The following SETBP1 variants were observed in gnomAD, a reference collection of about 807,000 sequenced individuals.
SETBP1 encodes SET-binding protein.
Under a neutral mutation model 101.0 loss-of-function variants are expected in SETBP1, and 9 were observed. The ratio of observed to expected loss-of-function variants is 0.09; its 90% CI spans 0.05 to 0.16. The LOEUF is 0.16. Ranked by LOEUF, SETBP1 falls within the 10% of genes least tolerant of loss-of-function variation. The probability of loss-of-function intolerance (pLI) is 1.00; values close to 1 mark genes in which losing one functional copy is unlikely to be tolerated. For synonymous variants in SETBP1, 818 were observed against 788.5 expected, an observed-to-expected ratio of 1.04 and a Z score of -0.63; for missense variants, 1,858 against 2,033.8, an observed-to-expected ratio of 0.91 and a Z score of 1.66.
chr18:44,708,309 G>A (rs571297802), intron 2 of SETBP1, among the ~76,000 whole-genome samples: 15 of 152,284 alleles, frequency 9.9e-5, no homozygotes, highest in African/African-American at 3.4e-4. Flanking sequence ...GGAATGTGGT[G>A]TTTCAAACTC....
In SETBP1 at chr18:44,869,277, G is replaced by A; in HGVS notation, c.534G>A (p.Gln178=). The part of the protein sequence containing the change: ...DLAASDLKGF[Q]PQAYERPQKH... ...CAGCCAGTGACCTCAAAGGATTTCA[G>A]CCACAGGTAAGTTCCACTGATGCTT... Residue 178 remains glutamine, a synonymous_variant, in exon 3 of 6, where the codon CAG becomes CAA. Transcript: ENST00000649279. 3 of 1,613,952 alleles carry A rather than the reference G, an allele frequency of 1.9e-6. No individual in the cohort carries two copies. The highest frequency in any genetic ancestry group is 2.5e-6 in the Non-Finnish European group (3 of 1,179,880).
intron 4 of SETBP1, among the ~76,000 whole-genome samples, chr18:45,019,630 A>G (rs898397331): frequency 3.9e-5 from 6 of 152,254 alleles, no homozygotes; most frequent in African/African-American, 7.2e-5. Context: ...CTCTGAGTAC[A>G]TGGATGTTTT....
intron 1 of SETBP1, among the ~76,000 whole-genome samples, chr18:44,694,970 G>A (rs2068991446): frequency 6.6e-6 from 1 of 152,102 alleles, no homozygotes; most frequent in African/African-American, 2.4e-5. Flanking sequence ...AGAATCAGCT[G>A]AAAAGTGGAT....
chr18:44,762,185 C>G (rs957361015), intron 2 of SETBP1, among the ~76,000 whole-genome samples: 10 of 149,968 alleles, frequency 6.7e-5, no homozygotes, highest in African/African-American at 2.0e-4. Context: ...GACTTCTTTT[C>G]CCAGTTCTGG....
chr18:45,061,179 G>A (rs1349519916), intron 5 of SETBP1, among the ~76,000 whole-genome samples: 1 of 152,094 alleles, frequency 6.6e-6, no homozygotes, highest in Non-Finnish European at 1.5e-5. Flanking sequence ...CATGAAGGTG[G>A]GCTAAGTTTT....
chr18:45,061,474 G>T (rs915524776), intron 5 of SETBP1, among the ~76,000 whole-genome samples: 10 of 152,058 alleles, frequency 6.6e-5, no homozygotes, highest in Admixed American at 5.2e-4. Flanking sequence ...GTTCTATTTT[G>T]ATCTTTATAA....
At position 44,861,643 on chromosome 18, in the gene SETBP1, G is replaced by C. The variant is rs561298132; in HGVS notation, c.487-7587G>C. Among the ~76,000 whole-genome samples the C allele has an allele frequency of 2.6e-4, 39 of 152,136 alleles. No individual in the cohort carries two copies. The South Asian group carries it at 3.1e-3, about 12-fold the overall frequency. ...AAAGAACATGAGTTAGCCAAGCCAG[G>C]CTCAAATACATTCTATCACCTACTA... On this transcript the variant is annotated intron_variant, in intron 2 of 5. Coordinates refer to ENST00000649279, the MANE Select transcript of SETBP1 (RefSeq NM_015559.3).
Position 44,820,136 on chromosome 18 carries a change from G to A in SETBP1, c.487-49094G>A, listed in dbSNP as rs1053731538. Among the ~76,000 whole-genome samples, 12 of 152,346 alleles carry A rather than the reference G, an allele frequency of 7.9e-5. No individual in the cohort carries two copies. In the East Asian group the frequency reaches 2.3e-3, roughly 29 times the overall value. ...TCAGTAGGGGGACATTCCTCACCAG[G>A]GCAGCCCAGGCTGGGCTTGGAGCCA... On this transcript the variant is annotated intron_variant, in intron 2 of 5. Transcript: ENST00000649279.
chr18:44,842,590 G>A (rs2072638683), intron 2 of SETBP1, among the ~76,000 whole-genome samples: 1 of 152,184 alleles, frequency 6.6e-6, no homozygotes, highest in Non-Finnish European at 1.5e-5. Flanking sequence ...TCCATCATGT[G>A]TGAGCCAACT....
intron 3 of SETBP1, among the ~76,000 whole-genome samples, chr18:44,927,895 A>G (rs1056883130): frequency 6.6e-6 from 1 of 152,192 alleles, no homozygotes; most frequent in Non-Finnish European, 1.5e-5. Context: ...GTAATACCTG[A>G]CATTTGTTGA....
At chr18:45,055,763 A>G (rs2073799068) in intron 5 of SETBP1, among the ~76,000 whole-genome samples, 1 of 152,184 alleles carries the variant, frequency 6.6e-6, no homozygotes, top group South Asian at 2.1e-4. Flanking sequence ...AACTTGGCAA[A>G]CCATCCTCTT....
chr18:45,013,434 CTTTT>C (rs1555645153), intron 4 of SETBP1, among the ~76,000 whole-genome samples: 6 of 150,400 alleles, frequency 4.0e-5, no homozygotes, highest in South Asian at 4.2e-4. Flanking sequence ...TTCTTTCTTT[CTTTT>C]TTTTTGTTTT....
intron 3 of SETBP1, among the ~76,000 whole-genome samples, chr18:44,914,575 T>C (rs955683388): frequency 2.0e-5 from 3 of 152,144 alleles, no homozygotes; most frequent in African/African-American, 4.8e-5. Context: ...TAGATTCTAA[T>C]AGAAGGAGAG....
chr18:45,032,237 C>T (rs940823471), intron 4 of SETBP1, among the ~76,000 whole-genome samples: 6 of 152,100 alleles, frequency 3.9e-5, no homozygotes, highest in Non-Finnish European at 7.4e-5. Flanking sequence ...CCACTGAGAT[C>T]TCATTTGCCT....
intron 4 of SETBP1, among the ~76,000 whole-genome samples, chr18:45,016,875 T>G (rs1599452466): frequency 6.8e-6 from 1 of 148,042 alleles, no homozygotes. Flanking sequence ...CCGACTCTGG[T>G]AAAAATTAGC....
At chr18:44,881,813 G>C (rs1288680897) in intron 3 of SETBP1, among the ~76,000 whole-genome samples, 1 of 152,190 alleles carries the variant, frequency 6.6e-6, no homozygotes, top group Admixed American at 6.5e-5. Context: ...TAAATATAAA[G>C]AGCACAGCTG....
rs888925902 is a variant in SETBP1, at chr18:44,708,618, G to A, written c.486+6786G>A. Among the ~76,000 whole-genome samples, 7 of 152,178 alleles carry A rather than the reference G, an allele frequency of 4.6e-5. No homozygotes were observed. In the East Asian group the frequency reaches 1.2e-3, roughly 25 times the overall value. On this transcript the variant is annotated intron_variant, in intron 2 of 5. Coordinates refer to ENST00000649279, the MANE Select transcript of SETBP1 (RefSeq NM_015559.3). ...TTGGACATGTCAGCTGAAAGTGTGA[G>A]GGAAAGAACCTTGGCCTTGGAGATG...
intron 3 of SETBP1, among the ~76,000 whole-genome samples, chr18:44,899,668 G>A (rs2069993090): frequency 6.6e-6 from 1 of 152,026 alleles, no homozygotes; most frequent in Admixed American, 6.6e-5. Flanking sequence ...TTGAACAAGG[G>A]GCCTCACAAC....
intron 1 of SETBP1, among the ~76,000 whole-genome samples, 186 bp from the exon 2 acceptor site, chr18:44,700,989 T>C (rs1461783006): frequency 6.6e-6 from 1 of 152,212 alleles, no homozygotes; most frequent in African/African-American, 2.4e-5. Context: ...CGTGTGTGAA[T>C]GTGTTTTTCC....
Sources: gnomAD v4.1 joint callset for allele counts (sites outside exome capture counted in the v4.1 genomes callset) on GRCh38, gnomAD v4.1.1 for gene constraint, MANE v1.5 for transcripts, NCBI Gene and HGNC (gene_info 2026-07-23, HGNC 2026-07-21) for gene names.